KDM2B: variants seen among roughly 807,000 people sequenced by gnomAD.
The protein encoded by KDM2B is lysine demethylase 2B, also known as lysine-specific demethylase 2B.
KDM2B carries 26 observed loss-of-function variants against 150.0 expected under a neutral mutation model. That is an observed-to-expected ratio of 0.17 (90% CI 0.13 to 0.24). The LOEUF is 0.24. KDM2B is among the 10% of genes least tolerant of loss of function. The pLI is 1.00. For synonymous variants in KDM2B, 734 were observed against 729.5 expected, an observed-to-expected ratio of 1.01 and a Z score of -0.10; for missense variants, 1,265 against 1,816.9, an observed-to-expected ratio of 0.70 and a Z score of 5.52.
At chr12:121,473,572 A>T (rs1436110626) in intron 12 of KDM2B, among the ~76,000 whole-genome samples, 1 of 151,432 alleles carries the variant, frequency 6.6e-6, no homozygotes, top group Admixed American at 6.6e-5. Context: ...TACAAAAGTC[A>T]GCCAGGCATG....
rs1044948492 is a variant in KDM2B, at chr12:121,530,897, G to A, written c.931+1909C>T. On this transcript the variant is annotated intron_variant, in intron 8 of 22. Transcript: ENST00000377071. ...AGGCCTGTTAGGCTCAGAGGATGGG[G>A]TTGGGAGGGAACTTGAGGGTCCCAG... 6.6e-5 allele frequency among the ~76,000 whole-genome samples: 10 copies of A among 152,088 alleles called. 1 individual carries two copies. The highest frequency in any genetic ancestry group is 2.9e-5 in the Non-Finnish European group (2 of 68,018).
At chr12:121,443,294 G>A (rs1875505925) in intron 17 of KDM2B, 7 of 583,688 alleles carry the variant, frequency 1.2e-5, no homozygotes, top group Admixed American at 3.1e-5. Context: ...ATGTGCAGCC[G>A]CCCATTCAAA....
At position 121,498,835 on chromosome 12, in the gene KDM2B, T is replaced by C. The variant is rs148948548; in HGVS notation, c.1648-4170A>G. Among the ~76,000 whole-genome samples, 299 of 152,142 alleles carry C rather than the reference T, an allele frequency of 2.0e-3. 2 individuals are homozygous for C. The highest frequency in any genetic ancestry group is 3.3e-3 in the Non-Finnish European group (223 of 67,992). ...AATAATACATTTTTAAAGACTCTTT[T>C]AAAAAAACAGAGAGTTGCCCAGGCT... On this transcript the variant is annotated intron_variant, in intron 11 of 22. Transcript: ENST00000377071.
the KDM2B span, chr12:121,416,322 G>A: frequency 6.2e-7 from 1 of 1,613,968 alleles, no homozygotes; most frequent in African/African-American, 1.3e-5. Context: ...GCTACGGAAG[G>A]GCCCAACATA....
intron 12 of KDM2B, chr12:121,469,769 G>C (rs1880561052): frequency 6.6e-6 from 1 of 151,766 alleles, no homozygotes; most frequent in Non-Finnish European, 1.5e-5. Flanking sequence ...AGCCTACAGG[G>C]GTATAGAGTC....
At chr12:121,503,679 G>A (rs1477664820) in intron 11 of KDM2B, among the ~76,000 whole-genome samples, 1 of 152,228 alleles carries the variant, frequency 6.6e-6, no homozygotes, top group Non-Finnish European at 1.5e-5. Flanking sequence ...GGGAAGGAAA[G>A]AGAAAGGGCA....
rs781957738 is a variant in KDM2B at position 121,494,686 on chromosome 12, C to T, written c.1648-21G>A. 29 of 1,591,040 alleles carry T rather than the reference C, an allele frequency of 1.8e-5. No homozygotes were observed. In the South Asian group the frequency reaches 2.9e-4, roughly 16 times the overall value. ...ACGTTCTGTGGCCAAACAAAGCATC[C>T]ATATTAGCCCAGGGGGAAGGGGAGG... On this transcript the variant is annotated intron_variant, in intron 11 of 22. Coordinates refer to ENST00000377071, the MANE Select transcript of KDM2B (RefSeq NM_032590.5).
rs1172960175 is a variant in KDM2B at position 121,463,844 on chromosome 12, T to C, written c.1735-10500A>G. On this transcript the variant is annotated intron_variant, in intron 12 of 22. Coordinates refer to ENST00000377071, the MANE Select transcript of KDM2B (RefSeq NM_032590.5). The stretch of plus-strand genomic sequence containing the variant: ...TCCACCTGCCTCAGCCTCCCATAAG[T>C]GCTGGGATAACCGGCATGAGCCACT... Among the ~76,000 whole-genome samples the C allele has an allele frequency of 3.3e-5, 5 of 151,992 alleles. No individual in the cohort carries two copies. In the East Asian group the frequency reaches 9.6e-4, roughly 29 times the overall value.
At position 121,453,300 on chromosome 12, in the gene KDM2B, G is replaced by A. The variant is rs1555292107; in HGVS notation, c.1779C>T (p.Ser593=). 13 of 1,599,568 alleles carry A rather than the reference G, an allele frequency of 8.1e-6. No individual in the cohort carries two copies. Among genetic ancestry groups the A allele is most frequent in the East Asian group, 2.3e-5 (1 of 44,124 alleles). Residue 593 remains serine (S), a synonymous_variant, in exon 13 of 23, where the codon TCC becomes TCT. Transcript: ENST00000377071. This position sits in a 1 kb window ranked among gnomAD's most constrained non-coding sequence, Gnocchi z 6.4. ...GRPKGKLGPA[S]AVKLAANRTT... is the part of the protein sequence containing the mutation. Reference sequence around the variant, plus strand: ...TCCGGTTGGCGGCCAACTTCACCGCGGAGGCCGGGCCCAGCTTCCCCTTGG... The same window carrying A: ...TCCGGTTGGCGGCCAACTTCACCGCAGAGGCCGGGCCCAGCTTCCCCTTGG...
chr12:121,580,241 T>G (rs1891858333), intron 1 of KDM2B: 4 of 1,025,838 alleles, frequency 3.9e-6, no homozygotes, highest in South Asian at 2.7e-5. Context: ...GGAAACCATT[T>G]TCAGCAGTTG....
intron 13 of KDM2B, among the ~76,000 whole-genome samples, chr12:121,446,773 T>C (rs1208022811): frequency 6.6e-6 from 1 of 152,238 alleles, no homozygotes; most frequent in Non-Finnish European, 1.5e-5. Flanking sequence ...GGAAAACTTT[T>C]ATGAACCACC....
intron 4 of KDM2B, among the ~76,000 whole-genome samples, chr12:121,557,863 A>G (rs896266295): frequency 2.0e-5 from 3 of 152,194 alleles, no homozygotes; most frequent in Non-Finnish European, 2.9e-5. Flanking sequence ...GACTGGGTAT[A>G]CCTACATGGC....
chr12:121,536,660 G>GTTT (rs71079076), intron 6 of KDM2B, among the ~76,000 whole-genome samples: 1 of 141,594 alleles, frequency 7.1e-6, no homozygotes, highest in Non-Finnish European at 1.6e-5. Flanking sequence ...CTTCGTCTTG[G>GTTT]TTTTTTTTTT....
the KDM2B span, chr12:121,423,256 G>C: frequency 1.6e-6 from 1 of 626,788 alleles, no homozygotes; most frequent in Admixed American, 3.1e-5. The surrounding 1 kb of genome is among the most constrained non-coding windows in gnomAD (Gnocchi z 4.3). Context: ...ATTATTTCTT[G>C]TACAACACTG....
downstream of KDM2B, among the ~76,000 whole-genome samples, chr12:121,427,308 C>T (rs1872554198): frequency 6.6e-6 from 1 of 152,110 alleles, no homozygotes; most frequent in Non-Finnish European, 1.5e-5. Context: ...GAGGCTGAGA[C>T]CAGCAGATCA....
At chr12:121,536,448 C>G (rs1232205680) in intron 6 of KDM2B, among the ~76,000 whole-genome samples, 1 of 152,176 alleles carries the variant, frequency 6.6e-6, no homozygotes, top group Admixed American at 6.5e-5. Context: ...GTCAAAGTCC[C>G]GACTCTGGGC....
intron 22 of KDM2B, among the ~76,000 whole-genome samples, chr12:121,434,015 TAAAAAAAC>T (rs1228236105): frequency 6.6e-6 from 1 of 151,274 alleles, no homozygotes; most frequent in African/African-American, 2.4e-5. Flanking sequence ...CCTGTCTCTA[TAAAAAAAC>T]AAAAAACACC....
chr12:121,453,896 A>C lies in KDM2B; in HGVS notation c.1735-552T>G, dbSNP rs1167173265. Among the ~76,000 whole-genome samples the C allele has an allele frequency of 5.3e-5, 8 of 152,196 alleles. No individual in the cohort carries two copies. Among genetic ancestry groups the C allele is most frequent in the Admixed American group, 1.3e-4 (2 of 15,272 alleles). On this transcript the variant is annotated intron_variant, in intron 12 of 22. Transcript: ENST00000377071. The surrounding 1 kb of genome is among the most constrained non-coding windows in gnomAD (Gnocchi z 6.4). ...GCTTCTTGCCGCAGCACACAGCTCG[A>C]GACCTTCCATGGCTGCACCCACAGG...
At chr12:121,444,424 C>T (rs782624347) in intron 15 of KDM2B, 26 bp downstream of exon 15, 2 of 1,613,578 alleles carry the variant, frequency 1.2e-6, no homozygotes, top group South Asian at 1.1e-5. Flanking sequence ...CCCGACTGAC[C>T]CTGGGACTTG....
Sources: allele counts gnomAD v4.1 joint callset (sites outside exome capture counted in the v4.1 genomes callset), GRCh38; gene constraint gnomAD v4.1.1; non-coding constraint Gnocchi (gnomAD v3.1); transcripts MANE v1.5; gene names NCBI Gene and HGNC (gene_info 2026-07-23, HGNC 2026-07-21).